ME1: variants seen among roughly 807,000 people sequenced by gnomAD.
ME1 encodes the protein NADP-dependent malic enzyme.
ME1 carries 74 observed loss-of-function variants against 66.4 expected under a neutral mutation model. The observed-to-expected ratio is 1.11, with a 90% CI of 0.92 to 1.35. ME1 has a LOEUF of 1.35. ME1 is among the 40% of genes most tolerant of loss of function. The pLI, the probability that ME1 is intolerant of heterozygous loss-of-function variation, is 0.00. For synonymous variants in ME1, 251 were observed against 235.6 expected, an observed-to-expected ratio of 1.07 and a Z score of -0.60; for missense variants, 750 against 694.1, an observed-to-expected ratio of 1.08 and a Z score of -0.90.
intron 6 of ME1, among the ~76,000 whole-genome samples, chr6:83,307,619 C>T (rs1355668128): frequency 6.6e-6 from 1 of 151,924 alleles, no homozygotes; most frequent in African/African-American, 2.4e-5. Context: ...ATATCCCCGT[C>T]ATCTAAAAAA....
chr6:83,352,031 A>T (rs1583395910), intron 4 of ME1, 33 bp downstream of exon 4: 1 of 1,459,012 alleles, frequency 6.9e-7, no homozygotes, highest in African/African-American at 1.4e-5. Context: ...AAAAAGAAAA[A>T]ATTTGCTATA....
chr6:83,385,126 ACT>A (rs1474576145), intron 3 of ME1, among the ~76,000 whole-genome samples: 1 of 151,884 alleles, frequency 6.6e-6, no homozygotes, highest in East Asian at 1.9e-4. Context: ...AGTAACTGTC[ACT>A]GTTATTGTCA....
chr6:83,389,381 T>C (rs901143903), intron 3 of ME1, among the ~76,000 whole-genome samples: 6 of 152,108 alleles, frequency 3.9e-5, no homozygotes, highest in African/African-American at 1.4e-4. Flanking sequence ...CTAAATAGCA[T>C]GAGAAATACA....
chr6:83,255,986 A>G (rs1766761610), intron 6 of ME1, among the ~76,000 whole-genome samples: 2 of 152,116 alleles, frequency 1.3e-5, no homozygotes, highest in African/African-American at 4.8e-5. Context: ...TAATTCCTAC[A>G]GCTTTATAGT....
chr6:83,353,243 T>C (rs763595796), intron 3 of ME1, among the ~76,000 whole-genome samples: 7 of 152,190 alleles, frequency 4.6e-5, no homozygotes, highest in Non-Finnish European at 7.4e-5. Flanking sequence ...AGACATTTCA[T>C]GGGTTGATGT....
At chr6:83,277,901 A>AAATAAT (rs3837004) in intron 6 of ME1, among the ~76,000 whole-genome samples, 4,186 of 144,058 alleles carry the variant, frequency 0.029, 144 homozygotes, top group East Asian at 0.16. Context: ...CTGTATCTCA[A>AAATAAT]AATAATAATA....
In ME1 at chr6:83,323,904, G is replaced by GC. The variant is rs201329027; in HGVS notation, c.601-8492dup. On this transcript the variant is annotated intron_variant, in intron 5 of 13. Transcript: ENST00000369705. ...TATACATTCTTCTTAGCACCACACA[G>GC]CACTTATTCTAAAATTGACCCCACA... Among the ~76,000 whole-genome samples the GC allele has an allele frequency of 8.7e-4, 133 of 152,074 alleles. 2 individuals are homozygous for GC. In the East Asian group the frequency reaches 0.023, roughly 26 times the overall value.
chr6:83,419,464 T>C (rs2128553284), intron 1 of ME1, among the ~76,000 whole-genome samples: 1 of 152,322 alleles, frequency 6.6e-6, no homozygotes, highest in South Asian at 2.1e-4. Flanking sequence ...GCATATCTGA[T>C]TCATGTCCTG....
chr6:83,306,821 G>C (rs1308161321), intron 6 of ME1, among the ~76,000 whole-genome samples: 1 of 151,994 alleles, frequency 6.6e-6, no homozygotes, highest in Admixed American at 6.6e-5. Flanking sequence ...TTCTAACACA[G>C]CTTATATTCT....
At chr6:83,287,914 G>A (rs1767427268) in intron 6 of ME1, among the ~76,000 whole-genome samples, 2 of 152,076 alleles carry the variant, frequency 1.3e-5, no homozygotes, top group South Asian at 4.2e-4. Flanking sequence ...GTTATAATGA[G>A]CATTTTTTCA....
At chr6:83,413,750 A>G (rs1300068035) in intron 1 of ME1, among the ~76,000 whole-genome samples, 1 of 152,164 alleles carries the variant, frequency 6.6e-6, no homozygotes, top group Non-Finnish European at 1.5e-5. Flanking sequence ...CAAGGCTTCT[A>G]TAGTGCCAAA....
intron 1 of ME1, among the ~76,000 whole-genome samples, chr6:83,412,166 A>G (rs1007915439): frequency 2.0e-5 from 3 of 152,234 alleles, no homozygotes; most frequent in African/African-American, 2.4e-5. Flanking sequence ...TGTATTCCGC[A>G]CTAACAATCC....
intron 6 of ME1, among the ~76,000 whole-genome samples, chr6:83,292,890 C>A (rs190211397): frequency 3.3e-5 from 5 of 152,128 alleles, no homozygotes; most frequent in Non-Finnish European, 5.9e-5. Context: ...CATCCCAGGT[C>A]GATCTCAGAC....
chr6:83,256,558 T>C (rs1766776406), intron 6 of ME1, among the ~76,000 whole-genome samples: 1 of 152,096 alleles, frequency 6.6e-6, no homozygotes, highest in Non-Finnish European at 1.5e-5. Flanking sequence ...CTGCAAAGGA[T>C]GTGGAGAAAT....
intron 6 of ME1, among the ~76,000 whole-genome samples, chr6:83,314,427 T>G (rs1162756482): frequency 6.6e-6 from 1 of 152,222 alleles, no homozygotes; most frequent in Non-Finnish European, 1.5e-5. Context: ...CAAAAAATGA[T>G]TGCTTATTGC....
chr6:83,398,274 A>T lies in ME1; in HGVS notation c.362+93T>A, dbSNP rs190503480. The T allele has an allele frequency of 9.2e-4, 828 of 898,980 alleles. 8 individuals carry two copies. In the African/African-American group the frequency reaches 0.013, roughly 14 times the overall value. The allele number at this position is 898,980 out of a possible 1,614,324, so 55.7% of individuals were successfully genotyped here. A position where few individuals can be genotyped will look rare whatever the true frequency, so the allele number is the denominator to read the frequency against. ...TAAATATATGCAATTTTATTGTCAA[A>T]TTTAAAATAATAATAATAAATTTTA... On this transcript the variant is annotated intron_variant, in intron 3 of 13. Coordinates refer to ENST00000369705, the MANE Select transcript of ME1 (RefSeq NM_002395.6).
intron 2 of ME1, 34 bp from the exon 3 acceptor site, chr6:83,398,550 C>A: frequency 8.3e-7 from 1 of 1,202,192 alleles, no homozygotes; most frequent in Non-Finnish European, 1.2e-6. Flanking sequence ...ATCTACATCC[C>A]ATAAAGTCAT....
At chr6:83,262,098 C>T (rs912312038) in intron 6 of ME1, among the ~76,000 whole-genome samples, 1 of 151,056 alleles carries the variant, frequency 6.6e-6, no homozygotes, top group Non-Finnish European at 1.5e-5. Flanking sequence ...GTTATTTTTA[C>T]ATTTTAATAG....
chr6:83,400,586 T>C (rs1026660950), intron 2 of ME1, among the ~76,000 whole-genome samples: 2 of 152,206 alleles, frequency 1.3e-5, no homozygotes, highest in Non-Finnish European at 2.9e-5. Flanking sequence ...TGACCACCTT[T>C]ATTGCTACCA....
Sources: gnomAD v4.1 joint callset for allele counts (sites outside exome capture counted in the v4.1 genomes callset) on GRCh38, gnomAD v4.1.1 for gene constraint, MANE v1.5 for transcripts, NCBI Gene and HGNC (gene_info 2026-07-23, HGNC 2026-07-21) for gene names.